DYNC1H1: variants seen among roughly 807,000 people sequenced by gnomAD.
DYNC1H1 encodes the protein dynein cytoplasmic 1 heavy chain 1.
In DYNC1H1, 51 loss-of-function variants were observed where a neutral mutation model predicts 527.1. The ratio of observed to expected loss-of-function variants is 0.10; its 90% CI spans 0.08 to 0.12. DYNC1H1 has a LOEUF of 0.12. Among genes scored for constraint, DYNC1H1 ranks in the 10% least tolerant of loss-of-function variants. The pLI, the probability that DYNC1H1 is intolerant of heterozygous loss-of-function variation, is 1.00. For synonymous variants in DYNC1H1, 2,189 were observed against 2,278.8 expected, an observed-to-expected ratio of 0.96 and a Z score of 1.12; for missense variants, 2,771 against 5,971.8, an observed-to-expected ratio of 0.46 and a Z score of 17.66.
In DYNC1H1 at chr14:101,979,097, T is replaced by G. The variant is rs746785239; in HGVS notation, c.345-222T>G. ...TTAGTTTTAGGCCAATATTACGAATTCAACCCATGTATGAGACAAGTTAAC... is the reference window on the plus strand; with the variant it reads ...TTAGTTTTAGGCCAATATTACGAATGCAACCCATGTATGAGACAAGTTAAC... On this transcript the variant is annotated intron_variant, in intron 2 of 77. Coordinates refer to ENST00000360184, the MANE Select transcript of DYNC1H1 (RefSeq NM_001376.5). This position sits in a 1 kb window ranked among gnomAD's most constrained non-coding sequence, Gnocchi z 4.6. 2.0e-5 allele frequency among the ~76,000 whole-genome samples: 3 copies of G among 152,218 alleles called. No homozygotes were observed. The highest frequency in any genetic ancestry group is 2.9e-5 in the Non-Finnish European group (2 of 68,036).
At position 102,049,657 on chromosome 14, in the gene DYNC1H1, A is replaced by G; in HGVS notation, c.13516-57A>G. The stretch of plus-strand genomic sequence containing the variant: ...GGGGTGGGAGTGGCTCTGGGGAAAA[A>G]CACAGGGCCCAGGTCTGACCTGAGC... On this transcript the variant is annotated intron_variant, in intron 75 of 77. Transcript: ENST00000360184. This position sits in a 1 kb window ranked among gnomAD's most constrained non-coding sequence, Gnocchi z 5.5. 6.2e-7 allele frequency: 1 copy of G among 1,613,342 alleles called. No individual in the cohort carries two copies. Among genetic ancestry groups the G allele is most frequent in the Non-Finnish European group, 8.5e-7 (1 of 1,179,984 alleles).
At chr14:102,025,371 C>T (rs2048436270) in intron 43 of DYNC1H1, among the ~76,000 whole-genome samples, 1 of 151,444 alleles carries the variant, frequency 6.6e-6, no homozygotes, top group Admixed American at 6.6e-5. Context: ...CGCCATTGCA[C>T]TCTAGCCTGG....
At chr14:101,975,662 A>G (rs776010833) in intron 1 of DYNC1H1, 50 bp from the exon 2 acceptor site, 1 of 1,527,288 alleles carries the variant, frequency 6.5e-7, no homozygotes, top group Non-Finnish European at 9.1e-7. Context: ...TTGATAAATA[A>G]GAAATTGGAA....
In DYNC1H1 at chr14:101,985,040, G is replaced by A. The variant is rs901787532; in HGVS notation, c.1462-647G>A. Reference sequence around the variant, plus strand: ...AGTGATCCACCCGCCCCGGCCTCCCGAAGTGCTGGGATTACCATGCCCAGC... The same window carrying A: ...AGTGATCCACCCGCCCCGGCCTCCCAAAGTGCTGGGATTACCATGCCCAGC... On this transcript the variant is annotated intron_variant, in intron 7 of 77. Coordinates refer to ENST00000360184, the MANE Select transcript of DYNC1H1 (RefSeq NM_001376.5). This position sits in a 1 kb window ranked among gnomAD's most constrained non-coding sequence, Gnocchi z 5.9. Among the ~76,000 whole-genome samples the A allele has an allele frequency of 4.1e-5, 6 of 147,514 alleles. No homozygotes were observed. Among genetic ancestry groups the A allele is most frequent in the African/African-American group, 1.0e-4 (4 of 40,116 alleles).
chr14:101,979,889 C>T lies in DYNC1H1; in HGVS notation c.689C>T (p.Thr230Ile). 1 of 1,614,220 alleles carries T rather than the reference C, an allele frequency of 6.2e-7. No individual in the cohort carries two copies. Among genetic ancestry groups the T allele is most frequent in the Non-Finnish European group, 8.5e-7 (1 of 1,180,044 alleles). Reference sequence around the variant, plus strand: ...GAGCGTGGAGAAAAGCCAAAAGTTACAGACTTTGGTGATAAGGTTGAAGAC... The same window carrying T: ...GAGCGTGGAGAAAAGCCAAAAGTTATAGACTTTGGTGATAAGGTTGAAGAC... ...CYERGEKPKVTDFGDKVEDPT... is the reference protein window; with the variant it reads ...CYERGEKPKVIDFGDKVEDPT... Residue 230 changes from threonine (T) to isoleucine (I), a missense_variant, in exon 4 of 78, where the codon ACA becomes ATA. Transcript: ENST00000360184. The surrounding 1 kb of genome is among the most constrained non-coding windows in gnomAD (Gnocchi z 4.6).
chr14:102,006,906 T>A, intron 27 of DYNC1H1, 102 bp from the exon 28 acceptor site: 2 of 1,347,920 alleles, frequency 1.5e-6, no homozygotes, highest in Non-Finnish European at 2.1e-6. Context: ...GGCCACTACT[T>A]GGATTTTTTA....
chr14:102,044,797 C>G lies in DYNC1H1; in HGVS notation c.13006+99C>G. 7.1e-7 allele frequency: 1 copy of G among 1,398,800 alleles called. No homozygotes were observed. Among genetic ancestry groups the G allele is most frequent in the Non-Finnish European group, 1.0e-6 (1 of 999,974 alleles). The allele number at this position is 1,398,800 out of a possible 1,614,324, so 86.6% of individuals were successfully genotyped here. A position where few individuals can be genotyped will look rare whatever the true frequency, so the allele number is the denominator to read the frequency against. On this transcript the variant is annotated intron_variant, in intron 72 of 77. Transcript: ENST00000360184. This position sits in a 1 kb window ranked among gnomAD's most constrained non-coding sequence, Gnocchi z 7.1. ...TCCCCACACGCAGGGTGAGTGTGCACTGCTGTCCCAGGGCCCTCCCTGGTT... is the reference window on the plus strand; with the variant it reads ...TCCCCACACGCAGGGTGAGTGTGCAGTGCTGTCCCAGGGCCCTCCCTGGTT...
chr14:102,004,085 C>CAA (rs542865755), intron 23 of DYNC1H1, among the ~76,000 whole-genome samples: 1 of 148,910 alleles, frequency 6.7e-6, no homozygotes, highest in African/African-American at 2.5e-5. Flanking sequence ...ACTAAAAATA[C>CAA]AAAAAAAAAT....
intron 42 of DYNC1H1, among the ~76,000 whole-genome samples, chr14:102,021,881 G>A (rs2048388773): frequency 6.6e-6 from 1 of 151,886 alleles, no homozygotes; most frequent in Non-Finnish European, 1.5e-5. Flanking sequence ...GGCTAGTCTT[G>A]AACTCCTGAC....
Position 101,965,052 on chromosome 14 carries a change from G to A in DYNC1H1, c.256+105G>A. 1 of 1,280,528 alleles carries A rather than the reference G, an allele frequency of 7.8e-7. No homozygotes were observed. The highest frequency in any genetic ancestry group is 1.1e-6 in the Non-Finnish European group (1 of 939,934). 79.3% of individuals were successfully genotyped at this position (1,280,528 alleles called of 1,614,324 possible). A position where few individuals can be genotyped will look rare whatever the true frequency, so the allele number is the denominator to read the frequency against. ...ATGTCCCCGGGATGGGAGGAGCCCG[G>A]CAGCTGCAGATGACCCCTGGATGGG... On this transcript the variant is annotated intron_variant, in intron 1 of 77. Transcript: ENST00000360184. The surrounding 1 kb of genome is among the most constrained non-coding windows in gnomAD (Gnocchi z 4.1).
rs763785003 is a variant in DYNC1H1 at position 102,039,748 on chromosome 14, C to G, written c.11690+16C>G. On this transcript the variant is annotated intron_variant, in intron 62 of 77. Transcript: ENST00000360184. This position sits in a 1 kb window ranked among gnomAD's most constrained non-coding sequence, Gnocchi z 7.0. Reference sequence around the variant, plus strand: ...GCACCGTGGGGTAAGAGCACTCACGCCCACAGGAGGATGCCATATTGCTGG... The same window carrying G: ...GCACCGTGGGGTAAGAGCACTCACGGCCACAGGAGGATGCCATATTGCTGG... The G allele has an allele frequency of 8.7e-6, 14 of 1,613,838 alleles. No homozygotes were observed. In the African/African-American group the frequency reaches 1.6e-4, roughly 18 times the overall value.
Position 102,008,313 on chromosome 14 carries a change from C to G in DYNC1H1, c.5953C>G (p.His1985Asp), listed in dbSNP as rs1295125727. 1 of 1,614,232 alleles carries G rather than the reference C, an allele frequency of 6.2e-7. No individual in the cohort carries two copies. The highest frequency in any genetic ancestry group is 1.3e-5 in the African/African-American group (1 of 75,050). Residue 1985 changes from histidine (H) to aspartate (D), a missense_variant, in exon 29 of 78, where the codon CAT becomes GAT. By Grantham distance (81) the His-to-Asp change is moderately conservative. Coordinates refer to ENST00000360184, the MANE Select transcript of DYNC1H1 (RefSeq NM_001376.5). ...GTGCATACAGGAAGCACTGCGTGAA[C>G]ATTCCAACCCCAACTACGACAAGAG... ...VQCIQEALRE[H>D]SNPNYDKTSA...
Position 102,012,186 on chromosome 14 carries a change from A to G in DYNC1H1, c.6857+73A>G, listed in dbSNP as rs1012092836. 2 of 1,611,012 alleles carry G rather than the reference A, an allele frequency of 1.2e-6. No individual in the cohort carries two copies. The highest frequency in any genetic ancestry group is 1.7e-6 in the Non-Finnish European group (2 of 1,177,416). On this transcript the variant is annotated intron_variant, in intron 33 of 77. Transcript: ENST00000360184. This position sits in a 1 kb window ranked among gnomAD's most constrained non-coding sequence, Gnocchi z 4.9. ...AAGTACTTTGCTCTCACAAGAGCAG[A>G]GTATACGTTATTTTTCAACCAAAGT... is the stretch of plus-strand genomic sequence containing the variant.
chr14:101,988,630 A>G, intron 9 of DYNC1H1, 73 bp from the exon 10 acceptor site: 1 of 1,598,896 alleles, frequency 6.3e-7, no homozygotes, highest in Non-Finnish European at 8.6e-7. Flanking sequence ...AACACCTACC[A>G]CTTTCTGATT....
intron 5 of DYNC1H1, among the ~76,000 whole-genome samples, chr14:101,981,997 A>G (rs1220027872): frequency 6.6e-6 from 1 of 152,192 alleles, no homozygotes; most frequent in Non-Finnish European, 1.5e-5. Context: ...CCAGACTGGT[A>G]CTGGTCCGCG....
intron 16 of DYNC1H1, among the ~76,000 whole-genome samples, chr14:101,999,104 A>G (rs552956000): frequency 2.1e-4 from 32 of 152,078 alleles, no homozygotes; most frequent in African/African-American, 7.2e-4. Context: ...GGATGGTCTC[A>G]ATCTCCTGAC....
rs1452262365 is a variant in DYNC1H1, at chr14:102,010,210, C to T, written c.6222-66C>T. 6.2e-7 allele frequency: 1 copy of T among 1,612,578 alleles called. No homozygotes were observed. Among genetic ancestry groups the T allele is most frequent in the African/African-American group, 1.3e-5 (1 of 74,780 alleles). ...AAAATATCCATCTCTGGTTTCTTGACACTTGACCCTATTATTGCTTAAAGT... is the reference window on the plus strand; with the variant it reads ...AAAATATCCATCTCTGGTTTCTTGATACTTGACCCTATTATTGCTTAAAGT... On this transcript the variant is annotated intron_variant, in intron 30 of 77. Coordinates refer to ENST00000360184, the MANE Select transcript of DYNC1H1 (RefSeq NM_001376.5). The surrounding 1 kb of genome is among the most constrained non-coding windows in gnomAD (Gnocchi z 6.0).
intron 51 of DYNC1H1, chr14:102,030,672 T>C (rs1203365479): frequency 3.5e-6 from 1 of 289,782 alleles, no homozygotes; most frequent in Non-Finnish European, 6.7e-6. Flanking sequence ...CTGAGTGTTC[T>C]AGCTATGACC....
rs1441911037 is a variant in DYNC1H1, at chr14:102,018,232, T to A, written c.8178-219T>A. On this transcript the variant is annotated intron_variant, in intron 40 of 77. Coordinates refer to ENST00000360184, the MANE Select transcript of DYNC1H1 (RefSeq NM_001376.5). This position sits in a 1 kb window ranked among gnomAD's most constrained non-coding sequence, Gnocchi z 5.2. ...TAAGCCTTGGTTATTTTTTCATCTT[T>A]GCTGGTTTTTCAAGTGTTTTCCATC... Among the ~76,000 whole-genome samples, 1 of 152,240 alleles carries A rather than the reference T, an allele frequency of 6.6e-6. No individual in the cohort carries two copies. The highest frequency in any genetic ancestry group is 2.4e-5 in the African/African-American group (1 of 41,464).
Sources: allele counts gnomAD v4.1 joint callset (sites outside exome capture counted in the v4.1 genomes callset), GRCh38; gene constraint gnomAD v4.1.1; non-coding constraint Gnocchi (gnomAD v3.1); transcripts MANE v1.5; gene names NCBI Gene and HGNC (gene_info 2026-07-23, HGNC 2026-07-21).